KBTBD11: variants seen among roughly 807,000 people sequenced by gnomAD.
The protein encoded by KBTBD11 is kelch repeat and BTB domain-containing protein 11.
For synonymous variants in KBTBD11, 747 were observed against 499.0 expected (o/e 1.50, Z -6.63); for missense variants, 1,390 against 1,001.8 (o/e 1.39, Z -5.23).
rs530646634 is a variant in KBTBD11 at position 1,974,559 on chromosome 8, G to T, written c.-909+624G>T. 1,681 of 985,184 alleles carry T rather than the reference G, an allele frequency of 1.7e-3. 32 individuals carry two copies. The African/African-American group carries it at 0.028, about 17-fold the overall frequency. 61.0% of individuals were successfully genotyped at this position (985,184 alleles called of 1,614,324 possible). A position where few individuals can be genotyped will look rare whatever the true frequency, so the allele number is the denominator to read the frequency against. ...CTCCGCCGCTGCGCCCGGGGTGCGGGGGTGTCCTGGCTGCTGACCCCCGCG... is the reference window on the plus strand; with the variant it reads ...CTCCGCCGCTGCGCCCGGGGTGCGGTGGTGTCCTGGCTGCTGACCCCCGCG... On this transcript the variant is annotated intron_variant, in intron 1 of 1. Transcript: ENST00000320248.
rs774034259 is a variant in KBTBD11 at position 2,001,887 on chromosome 8, G to A, written c.695G>A (p.Ser232Asn). ...ACCGACGCCGTGGGGCCGCAGCTGA[G>A]CCTGGCCAACTGCTACGAGGTCCTG... ...RATDAVGPQL[S>N]LANCYEVLSA... is the part of the protein sequence containing the mutation. The change falls in exon 2 of 2, where the codon AGC (serine) becomes AAC (asparagine). Residue 232 changes from serine (S) to asparagine (N), a missense_variant. Ser to Asn is a conservative substitution (Grantham distance 46). Coordinates refer to ENST00000320248, the MANE Select transcript of KBTBD11 (RefSeq NM_014867.3). 2 of 1,392,786 alleles carry A rather than the reference G, an allele frequency of 1.4e-6. No individual in the cohort carries two copies. Among genetic ancestry groups the A allele is most frequent in the Non-Finnish European group, 1.9e-6 (2 of 1,062,990 alleles). 86.3% of individuals were successfully genotyped at this position (1,392,786 alleles called of 1,614,324 possible). A position where few individuals can be genotyped will look rare whatever the true frequency, so the allele number is the denominator to read the frequency against.
chr8:2,001,189 G>A lies in KBTBD11; in HGVS notation c.-4G>A, dbSNP rs1400009737. 11 of 1,346,768 alleles carry A rather than the reference G, an allele frequency of 8.2e-6. No homozygotes were observed. The highest frequency in any genetic ancestry group is 4.6e-5 in the African/African-American group (3 of 65,710). The allele number at this position is 1,346,768 out of a possible 1,614,324, so 83.4% of individuals were successfully genotyped here. ...GCGCGGGCGCAGCGCAGCACAGCCC[G>A]GCCATGGAGCACGCGGTGGCCCCCT... is the stretch of plus-strand genomic sequence containing the variant. On this transcript the variant is annotated 5_prime_UTR_variant, in exon 2 of 2. Coordinates refer to ENST00000320248, the MANE Select transcript of KBTBD11 (RefSeq NM_014867.3).
intron 1 of KBTBD11, among the ~76,000 whole-genome samples, chr8:1,985,347 C>T (rs114471297): frequency 0.011 from 1,738 of 152,334 alleles, 31 homozygotes; most frequent in African/African-American, 0.039. Context: ...CTGACCTGGC[C>T]GACTCCCGCG....
In KBTBD11 at chr8:1,973,914, G is replaced by A; in HGVS notation, c.-930G>A. 1.0e-6 allele frequency: 1 copy of A among 982,828 alleles called. No homozygotes were observed. The highest frequency in any genetic ancestry group is 1.2e-6 in the Non-Finnish European group (1 of 828,732). 60.9% of individuals were successfully genotyped at this position (982,828 alleles called of 1,614,324 possible). A position where few individuals can be genotyped will look rare whatever the true frequency, so the allele number is the denominator to read the frequency against. Reference sequence around the variant, plus strand: ...CTGGCTGCGCGTCCCGGGCCCGGCGGCTGAAGAGGAGCCGCGGCGAGGTAG... The same window carrying A: ...CTGGCTGCGCGTCCCGGGCCCGGCGACTGAAGAGGAGCCGCGGCGAGGTAG... On this transcript the variant is annotated 5_prime_UTR_variant, in exon 1 of 2. Coordinates refer to ENST00000320248, the MANE Select transcript of KBTBD11 (RefSeq NM_014867.3).
intron 1 of KBTBD11, among the ~76,000 whole-genome samples, chr8:1,984,726 G>C (rs12547915): frequency 0.32 from 48,584 of 152,006 alleles, 7,954 homozygotes; most frequent in African/African-American, 0.34. Context: ...CATTTGGGCA[G>C]ATGTGGCAGA....
chr8:1,980,184 A>G (rs1489854046), intron 1 of KBTBD11, among the ~76,000 whole-genome samples: 1 of 151,298 alleles, frequency 6.6e-6, no homozygotes, highest in Non-Finnish European at 1.5e-5. Flanking sequence ...ATAGAGGCCC[A>G]GTCTGTGTGC....
At chr8:1,993,663 T>G (rs1271389928) in intron 1 of KBTBD11, among the ~76,000 whole-genome samples, 3 of 151,674 alleles carry the variant, frequency 2.0e-5, no homozygotes, top group Non-Finnish European at 4.4e-5. Context: ...GAATTTTATG[T>G]TTTTATGGAA....
rs139388539 is a variant in KBTBD11 at position 1,989,675 on chromosome 8, C to T, written c.-908-10610C>T. Among the ~76,000 whole-genome samples the T allele has an allele frequency of 1.6e-4, 25 of 152,316 alleles. No homozygotes were observed. The East Asian group carries it at 1.7e-3, about 11-fold the overall frequency. On this transcript the variant is annotated intron_variant, in intron 1 of 1. Coordinates refer to ENST00000320248, the MANE Select transcript of KBTBD11 (RefSeq NM_014867.3). ...GGTGTCCCCTCTCTGCACGACGCAT[C>T]GCCTCCCCGAAGAGCTCATAGCAGG...
Position 2,001,997 on chromosome 8 carries a change from G to A in KBTBD11, c.805G>A (p.Glu269Lys), listed in dbSNP as rs756623746. 2.1e-6 allele frequency: 3 copies of A among 1,415,802 alleles called. No homozygotes were observed. Among genetic ancestry groups the A allele is most frequent in the Non-Finnish European group, 2.8e-6 (3 of 1,077,320 alleles). 87.7% of individuals were successfully genotyped at this position (1,415,802 alleles called of 1,614,324 possible). ...MSDHYLEVLR[E>K]PAVFGRLSGA... ...CGACCACTATCTGGAGGTGCTGCGC[G>A]AGCCCGCCGTGTTCGGCCGCCTGTC... is the stretch of plus-strand genomic sequence containing the variant. Residue 269 changes from glutamate (E) to lysine (K), a missense_variant, in exon 2 of 2, where the codon GAG (glutamate) becomes AAG (lysine). Coordinates refer to ENST00000320248, the MANE Select transcript of KBTBD11 (RefSeq NM_014867.3).
chr8:1,987,755 T>G (rs1816753065), intron 1 of KBTBD11, among the ~76,000 whole-genome samples: 1 of 126,558 alleles, frequency 7.9e-6, no homozygotes, highest in African/African-American at 2.8e-5. Flanking sequence ...TATTATACTT[T>G]AAGTTCTAGG....
chr8:1,992,797 A>G (rs566393698), intron 1 of KBTBD11, among the ~76,000 whole-genome samples: 2 of 152,248 alleles, frequency 1.3e-5, no homozygotes, highest in East Asian at 1.9e-4. Context: ...GCTGTAATCC[A>G]ACATCCAGAT....
chr8:2,001,409 G>A lies in KBTBD11; in HGVS notation c.217G>A (p.Val73Met). Residue 73 changes from valine to methionine, a missense_variant, in exon 2 of 2, where the codon GTG becomes ATG. Transcript: ENST00000320248. ...CCCGCCCTCCAGCGGTGGCCCGCGGGTGGTGGAGCGGCAGTGGGAGGCCGG... is the reference window on the plus strand; with the variant it reads ...CCCGCCCTCCAGCGGTGGCCCGCGGATGGTGGAGCGGCAGTGGGAGGCCGG... Reference protein sequence around the residue: ...TSPPSSGGPRVVERQWEAGSA... With the variant: ...TSPPSSGGPRMVERQWEAGSA... The A allele has an allele frequency of 7.1e-7, 1 of 1,401,752 alleles. No homozygotes were observed. The highest frequency in any genetic ancestry group is 3.0e-5 in the East Asian group (1 of 32,940). The allele number at this position is 1,401,752 out of a possible 1,614,324, so 86.8% of individuals were successfully genotyped here.
intron 1 of KBTBD11, among the ~76,000 whole-genome samples, chr8:1,982,695 C>T (rs1217896853): frequency 6.6e-6 from 1 of 151,624 alleles, no homozygotes; most frequent in Non-Finnish European, 1.5e-5. Flanking sequence ...TTTATAATGC[C>T]AAAGGGGCCA....
chr8:1,987,169 T>C (rs1017573528), intron 1 of KBTBD11, among the ~76,000 whole-genome samples: 10 of 152,220 alleles, frequency 6.6e-5, no homozygotes, highest in Non-Finnish European at 8.8e-5. Flanking sequence ...ATGCCTGTCC[T>C]TCCTCTCTCT....
chr8:1,996,502 A>C (rs761183561), intron 1 of KBTBD11, among the ~76,000 whole-genome samples: 1 of 152,148 alleles, frequency 6.6e-6, no homozygotes, highest in Non-Finnish European at 1.5e-5. Flanking sequence ...TCCTGACCTC[A>C]GGTGACCCAC....
rs770463035 is a variant in KBTBD11, at chr8:2,001,219, C to T, written c.27C>T (p.Val9=). 17 of 1,422,084 alleles carry T rather than the reference C, an allele frequency of 1.2e-5. No homozygotes were observed. In the African/African-American group the frequency reaches 1.5e-4, roughly 12 times the overall value. 88.1% of individuals were successfully genotyped at this position (1,422,084 alleles called of 1,614,324 possible). ...TGGAGCACGCGGTGGCCCCCTGCGT[C>T]CTCTACCCAGGGACTGAGCCCGGGG... MEHAVAPC[V]LYPGTEPGAA... Residue 9 remains valine, a synonymous_variant, in exon 2 of 2, where the codon GTC becomes GTT. Coordinates refer to ENST00000320248, the MANE Select transcript of KBTBD11 (RefSeq NM_014867.3).
At chr8:1,976,773 A>T (rs901300349) in intron 1 of KBTBD11, among the ~76,000 whole-genome samples, 2 of 152,224 alleles carry the variant, frequency 1.3e-5, no homozygotes, top group Non-Finnish European at 2.9e-5. Flanking sequence ...TGCACGTAAC[A>T]GAGGAATGTT....
At chr8:1,984,495 G>C (rs1816647908) in intron 1 of KBTBD11, among the ~76,000 whole-genome samples, 2 of 151,878 alleles carry the variant, frequency 1.3e-5, no homozygotes, top group African/African-American at 4.8e-5. Flanking sequence ...TACCGTGTTA[G>C]GCAGGATGGT....
At chr8:1,997,092 C>T (rs1817169075) in intron 1 of KBTBD11, among the ~76,000 whole-genome samples, 1 of 152,116 alleles carries the variant, frequency 6.6e-6, no homozygotes, top group Non-Finnish European at 1.5e-5. Context: ...GCTCAGGAAA[C>T]CCTTGTTGAC....
Sources: gnomAD v4.1 joint callset for allele counts (sites outside exome capture counted in the v4.1 genomes callset) on GRCh38, gnomAD v4.1.1 for gene constraint, MANE v1.5 for transcripts, NCBI Gene and HGNC (gene_info 2026-07-23, HGNC 2026-07-21) for gene names.